GPHN: variants seen among roughly 807,000 people sequenced by gnomAD.
The protein encoded by GPHN is gephyrin.
A neutral mutation model predicts 95.5 loss-of-function variants in GPHN; 17 were observed. The observed-to-expected ratio is 0.18, with a 90% CI of 0.12 to 0.27. The LOEUF is 0.27. Ranked by LOEUF, GPHN falls within the 10% of genes least tolerant of loss-of-function variation. The pLI is 1.00. For missense variants in GPHN, 660 were observed against 978.1 expected, an observed-to-expected ratio of 0.67 and a Z score of 4.34; for synonymous variants, 320 against 322.5, an observed-to-expected ratio of 0.99 and a Z score of 0.08.
chr14:67,395,883 T>C, the GPHN span, among the ~76,000 whole-genome samples: 1 of 152,124 alleles, frequency 6.6e-6, no homozygotes, highest in Non-Finnish European at 1.5e-5. Context: ...TCACCTCCTA[T>C]GACAGCCCCT....
At chr14:66,616,493 C>T (rs1420915353) in intron 1 of GPHN, among the ~76,000 whole-genome samples, 2 of 151,696 alleles carry the variant, frequency 1.3e-5, no homozygotes, top group Admixed American at 1.3e-4. Context: ...CTGCAATTTG[C>T]TGGGGGTTCA....
intron 17 of GPHN, among the ~76,000 whole-genome samples, chr14:67,129,876 C>CAGGAAGAAAG (rs372694313): frequency 1.3e-3 from 193 of 151,210 alleles, no homozygotes; most frequent in African/African-American, 4.3e-3. Flanking sequence ...GGGAGGAAGG[C>CAGGAAGAAAG]AGGAAGAAAG....
chr14:66,895,032 C>A (rs1251063240), intron 5 of GPHN, among the ~76,000 whole-genome samples: 7 of 152,298 alleles, frequency 4.6e-5, no homozygotes, highest in South Asian at 4.1e-4. Flanking sequence ...GATTATAAAT[C>A]ATGCTGCTAT....
the GPHN span, among the ~76,000 whole-genome samples, chr14:67,263,362 C>T: frequency 6.6e-6 from 1 of 152,004 alleles, no homozygotes; most frequent in Non-Finnish European, 1.5e-5. Flanking sequence ...CCTGGGAGTA[C>T]TTAAGGTCAG....
At chr14:66,526,264 A>G (rs2058688061) in intron 1 of GPHN, among the ~76,000 whole-genome samples, 1 of 151,962 alleles carries the variant, frequency 6.6e-6, no homozygotes, top group South Asian at 2.1e-4. Context: ...ATGGGAGTTC[A>G]CTCATGATTT....
chr14:66,575,511 A>T (rs554500030), intron 1 of GPHN, among the ~76,000 whole-genome samples: 12 of 152,332 alleles, frequency 7.9e-5, no homozygotes, highest in African/African-American at 2.6e-4. Context: ...TTGACAGAAG[A>T]AGCTCTTTAC....
At chr14:67,362,330 C>CT in the GPHN span, among the ~76,000 whole-genome samples, 1 of 151,760 alleles carries the variant, frequency 6.6e-6, no homozygotes, top group South Asian at 2.1e-4. Context: ...TGGTAAGAGT[C>CT]TTTCTTGTTG....
Position 66,922,849 on chromosome 14 carries a change from G to A in GPHN, c.640G>A (p.Glu214Lys). The change falls in exon 7 of 23, where the codon GAA becomes AAA. Residue 214 changes from glutamate (E) to lysine (K), a missense_variant. Around this residue, in one of 6 missense-constraint regions of GPHN, gnomAD observed 190 missense variants for 224.7 expected, o/e 0.85. Transcript: ENST00000478722. ...QTEDKGVQCE[E>K]EEEEKKDSGV... ...AGAAGACAAAGGAGTTCAATGTGAGGAAGAGGAAGAAGAGAAGAAAGACAG... is the reference window on the plus strand; with the variant it reads ...AGAAGACAAAGGAGTTCAATGTGAGAAAGAGGAAGAAGAGAAGAAAGACAG... 6.2e-7 allele frequency: 1 copy of A among 1,613,320 alleles called. No homozygotes were observed. The highest frequency in any genetic ancestry group is 1.1e-5 in the South Asian group (1 of 91,064).
chr14:67,244,335 C>G, the GPHN span, among the ~76,000 whole-genome samples: 1 of 152,148 alleles, frequency 6.6e-6, no homozygotes, highest in African/African-American at 2.4e-5. Flanking sequence ...CCAAATTACC[C>G]TTTTTAATGC....
At chr14:67,542,116 A>C in the GPHN span, 4 of 923,426 alleles carry the variant, frequency 4.3e-6, no homozygotes, top group East Asian at 2.9e-5. Context: ...CCCATATGCA[A>C]AATGAAACCC....
intron 16 of GPHN, among the ~76,000 whole-genome samples, chr14:67,119,094 T>G (rs1269478284): frequency 1.3e-5 from 2 of 152,200 alleles, no homozygotes; most frequent in African/African-American, 2.4e-5. Flanking sequence ...TGGATCACAG[T>G]CAGTCTTATC....
At chr14:66,939,218 A>G (rs1331023325) in intron 8 of GPHN, among the ~76,000 whole-genome samples, 12 of 152,206 alleles carry the variant, frequency 7.9e-5, no homozygotes, top group Admixed American at 7.9e-4. Flanking sequence ...GCACATCCAA[A>G]GATTCTATGA....
intron 1 of GPHN, among the ~76,000 whole-genome samples, chr14:66,532,526 A>T (rs973870681): frequency 1.3e-5 from 2 of 152,218 alleles, no homozygotes; most frequent in African/African-American, 4.8e-5. Flanking sequence ...GTGGGAAGAG[A>T]CTACCCAAGG....
the GPHN span, among the ~76,000 whole-genome samples, chr14:67,284,336 G>A: frequency 1.3e-5 from 2 of 149,754 alleles, no homozygotes; most frequent in Admixed American, 1.3e-4. Context: ...GGTGGTTCAC[G>A]CCCGTATTAG....
chr14:67,158,126 G>C (rs1202360991), intron 18 of GPHN, among the ~76,000 whole-genome samples: 1 of 152,022 alleles, frequency 6.6e-6, no homozygotes, highest in East Asian at 1.9e-4. Flanking sequence ...GGCCAACCTG[G>C]TGAAACAGTG....
the GPHN span, among the ~76,000 whole-genome samples, chr14:67,324,103 A>G: frequency 3.7e-4 from 57 of 152,208 alleles, no homozygotes; most frequent in African/African-American, 1.3e-3. Flanking sequence ...CTTCAGGATT[A>G]CTGACTTTTC....
At chr14:66,793,483 T>A (rs1243457523) in intron 3 of GPHN, among the ~76,000 whole-genome samples, 2 of 152,194 alleles carry the variant, frequency 1.3e-5, no homozygotes, top group East Asian at 3.8e-4. Flanking sequence ...ATTCTTGTCC[T>A]TTCGGTTTCT....
At chr14:66,677,405 C>T (rs2066669083) in intron 1 of GPHN, among the ~76,000 whole-genome samples, 1 of 151,854 alleles carries the variant, frequency 6.6e-6, no homozygotes, top group Non-Finnish European at 1.5e-5. Context: ...CTGTAAACTT[C>T]CCTTTTAGTA....
At chr14:66,588,219 G>T (rs1165813475) in intron 1 of GPHN, among the ~76,000 whole-genome samples, 1 of 151,980 alleles carries the variant, frequency 6.6e-6, no homozygotes, top group Non-Finnish European at 1.5e-5. Flanking sequence ...TGTCCACCAA[G>T]AGACCCCATC....
Sources: allele counts gnomAD v4.1 joint callset (sites outside exome capture counted in the v4.1 genomes callset), GRCh38; gene constraint gnomAD v4.1.1; regional missense constraint gnomAD v4.1.1; transcripts MANE v1.5; gene names NCBI Gene and HGNC (gene_info 2026-07-23, HGNC 2026-07-21).